SPAG16: variants seen among roughly 807,000 people sequenced by gnomAD.
SPAG16 encodes sperm-associated antigen 16 protein.
In SPAG16, 86 loss-of-function variants were observed where a neutral mutation model predicts 80.4. That is an observed-to-expected ratio of 1.07 (90% CI 0.90 to 1.28). The LOEUF (loss-of-function observed/expected upper bound fraction) is 1.28, where lower values mean the gene tolerates loss of function less well. SPAG16 is among the 50% of genes most tolerant of loss of function. SPAG16 has a pLI of 0.00. For missense variants in SPAG16, 870 were observed against 765.3 expected, an observed-to-expected ratio of 1.14 and a Z score of -1.61; for synonymous variants, 294 against 265.9, an observed-to-expected ratio of 1.11 and a Z score of -1.03.
intron 15 of SPAG16, among the ~76,000 whole-genome samples, chr2:214,150,401 G>C (rs2055919127): frequency 6.6e-6 from 1 of 151,822 alleles, no homozygotes; most frequent in South Asian, 2.1e-4. Context: ...TTCTTGTTAA[G>C]ACATTTATGG....
At chr2:213,453,317 A>C (rs2071812683) in intron 9 of SPAG16, among the ~76,000 whole-genome samples, 1 of 152,222 alleles carries the variant, frequency 6.6e-6, no homozygotes, top group Admixed American at 6.5e-5. Context: ...AATGAATATA[A>C]AGTGGTAGTA....
At chr2:214,073,302 T>A (rs1041963100) in intron 13 of SPAG16, among the ~76,000 whole-genome samples, 2 of 151,364 alleles carry the variant, frequency 1.3e-5, no homozygotes, top group African/African-American at 4.9e-5. Flanking sequence ...AGTGGCGCAA[T>A]CTTGGCTCAC....
intron 12 of SPAG16, among the ~76,000 whole-genome samples, chr2:213,973,023 A>C (rs1022887276): frequency 6.6e-6 from 1 of 152,202 alleles, no homozygotes; most frequent in African/African-American, 2.4e-5. Context: ...GTGTTTGACG[A>C]TTAATTCTGT....
intron 12 of SPAG16, among the ~76,000 whole-genome samples, chr2:213,989,611 A>G (rs1292347264): frequency 6.6e-6 from 1 of 152,110 alleles, no homozygotes; most frequent in African/African-American, 2.4e-5. Context: ...GAACCACTAT[A>G]TTTACGTAAG....
At chr2:214,295,105 A>G (rs1694043319) in intron 15 of SPAG16, among the ~76,000 whole-genome samples, 1 of 152,188 alleles carries the variant, frequency 6.6e-6, no homozygotes, top group Non-Finnish European at 1.5e-5. Flanking sequence ...ACCCAGCTCT[A>G]TCATCAAGAG....
At chr2:214,311,922 C>T (rs573367448) in intron 15 of SPAG16, among the ~76,000 whole-genome samples, 31 of 152,062 alleles carry the variant, frequency 2.0e-4, no homozygotes, top group Non-Finnish European at 4.1e-4. Flanking sequence ...GATGTGGATC[C>T]CACCCTCATA....
chr2:213,306,219 C>G (rs2062932381), intron 3 of SPAG16, among the ~76,000 whole-genome samples: 1 of 150,208 alleles, frequency 6.7e-6, no homozygotes, highest in South Asian at 2.1e-4. Context: ...TTATTTGAGT[C>G]TACTTTAAAA....
intron 13 of SPAG16, among the ~76,000 whole-genome samples, chr2:214,024,151 G>GT (rs1241731963): frequency 2.0e-5 from 3 of 151,464 alleles, no homozygotes; most frequent in African/African-American, 4.8e-5. Context: ...ATGTTGTACT[G>GT]TTTTTTTATG....
intron 11 of SPAG16, among the ~76,000 whole-genome samples, chr2:213,871,879 CAGAG>C (rs113290584): frequency 0.083 from 2,921 of 35,240 alleles, 56 homozygotes; most frequent in Middle Eastern, 0.23. Context: ...CACACACACA[CAGAG>C]AGAGAGAGAG....
chr2:213,944,809 C>T (rs1237964712), intron 12 of SPAG16, among the ~76,000 whole-genome samples: 1 of 152,042 alleles, frequency 6.6e-6, no homozygotes, highest in East Asian at 1.9e-4. Context: ...GGATGGAGCC[C>T]TCTTGAATGG....
At chr2:213,738,585 CTT>C (rs1574993011) in intron 10 of SPAG16, among the ~76,000 whole-genome samples, 1 of 152,162 alleles carries the variant, frequency 6.6e-6, no homozygotes, top group Non-Finnish European at 1.5e-5. Context: ...TACCTTATAA[CTT>C]ATATCAATAC....
At chr2:213,644,269 TTG>T in intron 10 of SPAG16, among the ~76,000 whole-genome samples, 1 of 152,240 alleles carries the variant, frequency 6.6e-6, no homozygotes, top group Middle Eastern at 3.4e-3. Flanking sequence ...TTGAATTTCT[TTG>T]TGTTTCTTCA....
intron 15 of SPAG16, among the ~76,000 whole-genome samples, chr2:214,276,355 C>T (rs10200422): frequency 0.37 from 55,575 of 151,954 alleles, 10,386 homozygotes; most frequent in East Asian, 0.5. Flanking sequence ...AGCTGGTTAT[C>T]TTGCCCATTA....
intron 13 of SPAG16, among the ~76,000 whole-genome samples, chr2:214,104,590 G>C (rs1241982643): frequency 6.7e-6 from 1 of 149,526 alleles, no homozygotes; most frequent in South Asian, 2.1e-4. Flanking sequence ...AAGAAAAAGA[G>C]GTATTCTTAT....
chr2:213,798,023 A>G (rs1415709627), intron 10 of SPAG16, among the ~76,000 whole-genome samples: 1 of 152,168 alleles, frequency 6.6e-6, no homozygotes, highest in African/African-American at 2.4e-5. Context: ...TGAACGGGGC[A>G]TGGCATTGTG....
chr2:214,091,696 G>A (rs2052221940), intron 13 of SPAG16, among the ~76,000 whole-genome samples: 1 of 151,950 alleles, frequency 6.6e-6, no homozygotes, highest in Non-Finnish European at 1.5e-5. Context: ...ATTCTCTCTT[G>A]TTTTCTAGTT....
intron 12 of SPAG16, among the ~76,000 whole-genome samples, chr2:213,984,388 T>C (rs2045909015): frequency 6.6e-6 from 1 of 152,122 alleles, no homozygotes; most frequent in South Asian, 2.1e-4. Flanking sequence ...CAAAATGCTA[T>C]GCAGTATATC....
chr2:213,732,464 A>G (rs897663412), intron 10 of SPAG16, among the ~76,000 whole-genome samples: 9 of 152,224 alleles, frequency 5.9e-5, no homozygotes, highest in Non-Finnish European at 1.0e-4. Context: ...TGTTTTGGTT[A>G]CTATAGCCCT....
intron 5 of SPAG16, among the ~76,000 whole-genome samples, chr2:213,318,310 C>T (rs1374149304): frequency 6.6e-6 from 1 of 152,106 alleles, no homozygotes; most frequent in East Asian, 1.9e-4. Flanking sequence ...CAATGGAATA[C>T]TATTCAGCCA....
Sources: allele counts gnomAD v4.1 joint callset (sites outside exome capture counted in the v4.1 genomes callset), GRCh38; gene constraint gnomAD v4.1.1; transcripts MANE v1.5; gene names NCBI Gene and HGNC (gene_info 2026-07-23, HGNC 2026-07-21).